The following REPS1 variants were observed in gnomAD, a reference collection of about 807,000 sequenced individuals.
REPS1 encodes the protein RALBP1 associated Eps domain containing 1.
In REPS1, 39 loss-of-function variants were observed where a neutral mutation model predicts 100.9. That is an observed-to-expected ratio of 0.39 (90% confidence interval 0.30 to 0.50). The LOEUF is 0.50. REPS1 is among the 20% of genes least tolerant of loss of function. The pLI, the probability that REPS1 is intolerant of heterozygous loss-of-function variation, is 0.86. For synonymous variants in REPS1, 324 were observed against 340.3 expected, an observed-to-expected ratio of 0.95 and a Z score of 0.53; for missense variants, 821 against 968.5, an observed-to-expected ratio of 0.85 and a Z score of 2.02.
intron 1 of REPS1, among the ~76,000 whole-genome samples, chr6:138,986,510 T>TA (rs750743989): frequency 2.0e-5 from 3 of 152,226 alleles, no homozygotes; most frequent in Non-Finnish European, 2.9e-5. Context: ...CACTGCTGGT[T>TA]AACAGCAGAG....
intron 19 of REPS1, among the ~76,000 whole-genome samples, chr6:138,905,982 C>T (rs921245962): frequency 6.6e-6 from 1 of 152,214 alleles, no homozygotes; most frequent in African/African-American, 2.4e-5. Context: ...ACCAGAACTA[C>T]CTCTATTTTG....
At chr6:138,975,782 C>T (rs925380023) in intron 1 of REPS1, among the ~76,000 whole-genome samples, 9 of 152,068 alleles carry the variant, frequency 5.9e-5, no homozygotes, top group African/African-American at 2.2e-4. Flanking sequence ...TGCAGTGAGT[C>T]GAGATTGTGC....
chr6:138,983,044 A>G (rs186933100), intron 1 of REPS1, among the ~76,000 whole-genome samples: 1 of 152,360 alleles, frequency 6.6e-6, no homozygotes, highest in Admixed American at 6.5e-5. Flanking sequence ...AATCAGACCA[A>G]CTGAATTTTA....
At chr6:138,943,825 A>G in intron 6 of REPS1, 28 bp downstream of exon 6, 2 of 1,597,054 alleles carry the variant, frequency 1.3e-6, no homozygotes, top group East Asian at 2.2e-5. Context: ...TGTCCCATCT[A>G]GAAGAACTTC....
At chr6:138,943,349 T>C (rs1183422359) in intron 7 of REPS1, among the ~76,000 whole-genome samples, 164 bp downstream of exon 7, 1 of 152,224 alleles carries the variant, frequency 6.6e-6, no homozygotes, top group African/African-American at 2.4e-5. Context: ...ACTTATTTCT[T>C]TTCTGCAGAA....
At chr6:138,987,399 C>T in intron 1 of REPS1, 131 bp downstream of exon 1, 2 of 1,021,466 alleles carry the variant, frequency 2.0e-6, no homozygotes, top group Non-Finnish European at 1.4e-6. Flanking sequence ...ACCTGCGGCC[C>T]CTGCCCGCTG....
At chr6:138,930,441 G>T (rs759248264) in intron 8 of REPS1, among the ~76,000 whole-genome samples, 7 of 152,080 alleles carry the variant, frequency 4.6e-5, no homozygotes, top group Admixed American at 4.6e-4. Flanking sequence ...TCTATTCCAT[G>T]GAATACTCAT....
Position 138,944,495 on chromosome 6 carries a change from C to G in REPS1, c.753+3G>C. On this transcript the variant is annotated splice_donor_region_variant and intron_variant, in intron 5 of 19. Coordinates refer to ENST00000450536, the MANE Select transcript of REPS1 (RefSeq NM_001286611.2). The stretch of plus-strand genomic sequence containing the variant: ...AAAATGCAATACCAATAAAATGTCA[C>G]ACCTGGACAGAAGCAGGATGCATGG... 6.2e-7 allele frequency: 1 copy of G among 1,613,432 alleles called. No individual in the cohort carries two copies. Among genetic ancestry groups the G allele is most frequent in the Non-Finnish European group, 8.5e-7 (1 of 1,179,670 alleles).
chr6:138,956,811 G>GA (rs60624355), intron 1 of REPS1, among the ~76,000 whole-genome samples: 21,338 of 145,952 alleles, frequency 0.15, 1,585 homozygotes, highest in Non-Finnish European at 0.17. Context: ...TTTACAAACA[G>GA]AAAAAAAAAA....
At chr6:138,940,711 A>C (rs1000796216) in intron 8 of REPS1, among the ~76,000 whole-genome samples, 2 of 151,690 alleles carry the variant, frequency 1.3e-5, no homozygotes, top group Non-Finnish European at 2.9e-5. Context: ...GTGCCACTGC[A>C]CTCCAGCCTG....
Position 138,961,607 on chromosome 6 carries a change from G to A in REPS1, c.154-13694C>T, listed in dbSNP as rs77613698. On this transcript the variant is annotated intron_variant, in intron 1 of 19. Transcript: ENST00000450536. ...ACTGCCTTATTTGTGCTAAGAAACC[G>A]AAAGTTTTATCTGCCATGACTTTTA... 0.024 allele frequency among the ~76,000 whole-genome samples: 3,644 copies of A among 152,258 alleles called. 232 individuals carry two copies. The East Asian group carries it at 0.26, about 11-fold the overall frequency.
chr6:138,916,760 C>T (rs929419000), intron 13 of REPS1, among the ~76,000 whole-genome samples: 1 of 152,130 alleles, frequency 6.6e-6, no homozygotes, highest in Non-Finnish European at 1.5e-5. Context: ...AAACTCAACT[C>T]GCCCTAGAGA....
At chr6:138,969,269 ATTTTT>A (rs71013004) in intron 1 of REPS1, among the ~76,000 whole-genome samples, 913 of 74,174 alleles carry the variant, frequency 0.012, 7 homozygotes, top group Middle Eastern at 0.023. Flanking sequence ...CAAAGCTGTA[ATTTTT>A]TTTTTTTTTT....
chr6:138,944,677 G>T, intron 4 of REPS1, 55 bp from the exon 5 acceptor site: 2 of 1,549,376 alleles, frequency 1.3e-6, no homozygotes, highest in Non-Finnish European at 1.7e-6. Flanking sequence ...AAAGTTACTA[G>T]GAAGTTTTCT....
intron 1 of REPS1, among the ~76,000 whole-genome samples, chr6:138,974,611 G>C: frequency 6.6e-6 from 1 of 152,154 alleles, no homozygotes; most frequent in East Asian, 1.9e-4. Context: ...CAGATGAAGA[G>C]ACATTATACT....
At chr6:138,971,280 A>G (rs974078914) in intron 1 of REPS1, among the ~76,000 whole-genome samples, 3 of 152,178 alleles carry the variant, frequency 2.0e-5, no homozygotes, top group African/African-American at 2.4e-5. Flanking sequence ...TTCCTATGAG[A>G]TAATGACAAG....
Position 138,914,903 on chromosome 6 carries a change from A to G in REPS1, c.1721-142T>C. 8.4e-6 allele frequency: 6 copies of G among 714,674 alleles called. No individual in the cohort carries two copies. In the South Asian group the frequency reaches 8.8e-5, roughly 11 times the overall value. The allele number at this position is 714,674 out of a possible 1,614,324, so 44.3% of individuals were successfully genotyped here. On this transcript the variant is annotated intron_variant, in intron 14 of 19. Coordinates refer to ENST00000450536, the MANE Select transcript of REPS1 (RefSeq NM_001286611.2). The stretch of plus-strand genomic sequence containing the variant: ...ATTAGAAGGCAAGTACTAACTTGTT[A>G]CATGGTCTGTATGTAACCTAAAGAC...
intron 8 of REPS1, among the ~76,000 whole-genome samples, chr6:138,934,541 G>C (rs1005870785): frequency 6.6e-6 from 1 of 152,136 alleles, no homozygotes; most frequent in East Asian, 1.9e-4. Context: ...AAAGTTCCCC[G>C]ATTCAATTCA....
intron 7 of REPS1, 24 bp from the exon 8 acceptor site, chr6:138,941,513 T>C (rs370474343): frequency 1.9e-5 from 31 of 1,599,944 alleles, no homozygotes; most frequent in African/African-American, 1.1e-4. Context: ...TTATTGTGAA[T>C]ATAATCACAT....
Sources: gnomAD v4.1 joint callset for allele counts (sites outside exome capture counted in the v4.1 genomes callset) on GRCh38, gnomAD v4.1.1 for gene constraint, MANE v1.5 for transcripts, NCBI Gene and HGNC (gene_info 2026-07-23, HGNC 2026-07-21) for gene names.